The following AFG1L variants were observed in gnomAD, a reference collection of about 807,000 sequenced individuals.
The protein encoded by AFG1L is AFG1-like ATPase.
A neutral mutation model predicts 62.2 loss-of-function variants in AFG1L; 53 were observed. The observed-to-expected ratio is 0.85, with a 90% confidence interval of 0.68 to 1.07. The LOEUF is 1.07. AFG1L is among the 50% of genes least tolerant of loss of function. The pLI is 0.00. For missense variants in AFG1L, 555 were observed against 590.5 expected (o/e 0.94, Z 0.62); for synonymous variants, 228 against 210.3 (o/e 1.08, Z -0.73).
chr6:108,388,245 C>T (rs532480465), intron 6 of AFG1L, among the ~76,000 whole-genome samples: 27 of 152,102 alleles, frequency 1.8e-4, no homozygotes, highest in Non-Finnish European at 2.9e-4. Flanking sequence ...TTTTTTATTG[C>T]GTCTATTTGA....
intron 10 of AFG1L, among the ~76,000 whole-genome samples, chr6:108,480,866 G>T (rs1773299060): frequency 6.6e-6 from 1 of 152,192 alleles, no homozygotes; most frequent in African/African-American, 2.4e-5. Flanking sequence ...TCTCACATCT[G>T]AGCTAAGCTT....
At chr6:108,479,494 G>C (rs1306254622) in intron 10 of AFG1L, among the ~76,000 whole-genome samples, 1 of 152,146 alleles carries the variant, frequency 6.6e-6, no homozygotes, top group Non-Finnish European at 1.5e-5. Context: ...GTGGGGTTAG[G>C]TCGCAGTGTT....
rs149946493 is a variant in AFG1L at position 108,316,448 on chromosome 6, A to G, written c.140-7377A>G. ...ATTTAAAGGACTTGCCTCAGATTAA[A>G]CATACTCACACATAATTTTCTTTCT... On this transcript the variant is annotated intron_variant, in intron 1 of 12. Transcript: ENST00000368977. Among the ~76,000 whole-genome samples the G allele has an allele frequency of 3.6e-3, 545 of 151,568 alleles. 4 individuals carry two copies. The highest frequency in any genetic ancestry group is 0.013 in the African/African-American group (523 of 41,352).
At chr6:108,357,980 C>T (rs539792864) in intron 5 of AFG1L, among the ~76,000 whole-genome samples, 1 of 152,322 alleles carries the variant, frequency 6.6e-6, no homozygotes, top group East Asian at 1.9e-4. Context: ...TTTCTGCCTT[C>T]AGTCATAATA....
intron 7 of AFG1L, among the ~76,000 whole-genome samples, chr6:108,442,224 A>G (rs1771585286): frequency 6.6e-6 from 1 of 151,764 alleles, no homozygotes; most frequent in South Asian, 2.1e-4. Context: ...AGCTCTCGCA[A>G]TTATAGCAGG....
intron 7 of AFG1L, among the ~76,000 whole-genome samples, chr6:108,417,991 G>A (rs546726260): frequency 8.8e-4 from 134 of 152,084 alleles, no homozygotes; most frequent in African/African-American, 3.2e-3. Context: ...CTGCCACCAC[G>A]CCAGCTAATT....
At chr6:108,517,895 A>G (rs1774966453) in intron 11 of AFG1L, among the ~76,000 whole-genome samples, 1 of 152,256 alleles carries the variant, frequency 6.6e-6, no homozygotes, top group South Asian at 2.1e-4. Context: ...CAAAAGACAC[A>G]TGGAAAAATG....
chr6:108,310,457 C>T (rs1174856852), intron 1 of AFG1L, among the ~76,000 whole-genome samples: 1 of 151,960 alleles, frequency 6.6e-6, no homozygotes, highest in African/African-American at 2.4e-5. Context: ...TTAAAAATTG[C>T]ATTTGTCTTT....
intron 1 of AFG1L, among the ~76,000 whole-genome samples, chr6:108,313,388 G>A (rs1777482754): frequency 6.6e-6 from 1 of 152,158 alleles, no homozygotes; most frequent in African/African-American, 2.4e-5. Flanking sequence ...ATCAGTTAAT[G>A]TACAGACATT....
chr6:108,437,226 G>A (rs1005031006), intron 7 of AFG1L, among the ~76,000 whole-genome samples: 5 of 152,088 alleles, frequency 3.3e-5, no homozygotes, highest in African/African-American at 1.2e-4. Flanking sequence ...TGATAATGAT[G>A]GACTCATTTA....
intron 8 of AFG1L, among the ~76,000 whole-genome samples, chr6:108,471,468 CTTTTTTTTTTTT>C (rs56375345): frequency 1.0e-5 from 1 of 100,352 alleles, no homozygotes; most frequent in African/African-American, 3.7e-5. Flanking sequence ...TGTTCTTCTT[CTTTTTTTTTTTT>C]TTTTTTTTTT....
chr6:108,297,180 CA>C (rs1776795042), intron 1 of AFG1L, among the ~76,000 whole-genome samples: 1 of 152,092 alleles, frequency 6.6e-6, no homozygotes, highest in African/African-American at 2.4e-5. Flanking sequence ...AATCTCGGCT[CA>C]CTGCAACCTC....
chr6:108,388,467 T>G (rs945551644), intron 6 of AFG1L, among the ~76,000 whole-genome samples: 72 of 152,242 alleles, frequency 4.7e-4, no homozygotes, highest in African/African-American at 5.5e-4. Context: ...AATTGTGATG[T>G]TAGGGTGTCA....
At chr6:108,381,155 C>A (rs1266913543) in intron 6 of AFG1L, among the ~76,000 whole-genome samples, 1 of 152,072 alleles carries the variant, frequency 6.6e-6, no homozygotes. Context: ...GGCTCTTGAA[C>A]CTGAAATAAA....
intron 11 of AFG1L, among the ~76,000 whole-genome samples, chr6:108,516,178 G>C (rs1409291001): frequency 6.6e-6 from 1 of 152,164 alleles, no homozygotes; most frequent in Non-Finnish European, 1.5e-5. Flanking sequence ...TGATACCAAA[G>C]ACTGGCAGAG....
intron 2 of AFG1L, among the ~76,000 whole-genome samples, chr6:108,324,511 C>T (rs769535155): frequency 2.0e-5 from 3 of 152,106 alleles, no homozygotes; most frequent in African/African-American, 2.4e-5. Flanking sequence ...TAGATGCTGA[C>T]GTGCTAGCTC....
Position 108,330,187 on chromosome 6 carries a change from T to TA in AFG1L, c.363+6139_363+6140insA, listed in dbSNP as rs201432389. ...AAGAAATAAATTCCTTTTTTATTTT[T>TA]TTTTTTTTTTTGCGACTGAGTCTCA... On this transcript the variant is annotated intron_variant, in intron 2 of 12. Transcript: ENST00000368977. 3.0e-3 allele frequency among the ~76,000 whole-genome samples: 437 copies of TA among 146,414 alleles called. 3 individuals carry two copies. The highest frequency in any genetic ancestry group is 0.029 in the East Asian group (126 of 4,404).
chr6:108,488,193 C>T (rs75785277), intron 10 of AFG1L, among the ~76,000 whole-genome samples: 3,700 of 152,210 alleles, frequency 0.024, 146 homozygotes, highest in African/African-American at 0.084. Context: ...TAATCATCCA[C>T]CAAATATTTA....
At chr6:108,490,225 G>C in intron 10 of AFG1L, among the ~76,000 whole-genome samples, 1 of 152,172 alleles carries the variant, frequency 6.6e-6, no homozygotes, top group South Asian at 2.1e-4. Context: ...TGGGTGTGGT[G>C]GCGCATGCCT....
Sources: allele counts gnomAD v4.1 joint callset (sites outside exome capture counted in the v4.1 genomes callset), GRCh38; gene constraint gnomAD v4.1.1; transcripts MANE v1.5; gene names NCBI Gene and HGNC (gene_info 2026-07-23, HGNC 2026-07-21).